EIF5B: variants seen among roughly 807,000 people sequenced by gnomAD.
The protein encoded by EIF5B is eIF-5B.
In EIF5B, 47 loss-of-function variants were observed where a neutral mutation model predicts 147.5. The observed-to-expected ratio is 0.32, with a 90% confidence interval of 0.25 to 0.41. The LOEUF (loss-of-function observed/expected upper bound fraction) is 0.41. EIF5B is among the 10% of genes least tolerant of loss of function. The pLI is 1.00. For missense variants in EIF5B, 1,064 were observed against 1,413.2 expected (o/e 0.75, Z 3.96); for synonymous variants, 455 against 456.2 (o/e 1.00, Z 0.03).
intron 14 of EIF5B, among the ~76,000 whole-genome samples, chr2:99,389,308 A>G (rs573662780): frequency 6.6e-6 from 1 of 152,356 alleles, no homozygotes; most frequent in South Asian, 2.1e-4. Flanking sequence ...AATAATTAAA[A>G]TAGGCTGTTC....
chr2:99,364,843 T>G (rs1218157368), intron 6 of EIF5B, among the ~76,000 whole-genome samples: 1 of 151,988 alleles, frequency 6.6e-6, no homozygotes, highest in Non-Finnish European at 1.5e-5. Flanking sequence ...CATATTAGTT[T>G]GCCCACATGA....
At chr2:99,359,627 C>A (rs1011430127) in intron 1 of EIF5B, among the ~76,000 whole-genome samples, 1 of 152,136 alleles carries the variant, frequency 6.6e-6, no homozygotes, top group Admixed American at 6.5e-5. Flanking sequence ...AAACCAGGAG[C>A]AAGCAGGTTT....
rs996882996 is a variant in EIF5B at position 99,399,959 on chromosome 2, G to A, written c.*545G>A. The A allele has an allele frequency of 6.5e-6, 1 of 153,014 alleles. No individual in the cohort carries two copies. The highest frequency in any genetic ancestry group is 2.4e-5 in the African/African-American group (1 of 41,454). The allele number at this position is 153,014 out of a possible 1,614,324, so 9.5% of individuals were successfully genotyped here. A position where few individuals can be genotyped will look rare whatever the true frequency, so the allele number is the denominator to read the frequency against. On this transcript the variant is annotated 3_prime_UTR_variant, in exon 24 of 24. Coordinates refer to ENST00000289371, the MANE Select transcript of EIF5B (RefSeq NM_015904.4). ...TTTAGCTGCTTTGTGTGAAACCATG[G>A]TGTAAAAGCACAGCTGGCTGCTTTT...
chr2:99,367,960 A>G (rs1674365457), intron 6 of EIF5B, among the ~76,000 whole-genome samples: 1 of 152,200 alleles, frequency 6.6e-6, no homozygotes, highest in East Asian at 1.9e-4. Context: ...AAAAACCAGA[A>G]ACAACTCAAA....
chr2:99,398,709 ATTC>A (rs1218143332), intron 22 of EIF5B, 36 bp from the exon 23 acceptor site: 7 of 1,578,094 alleles, frequency 4.4e-6, no homozygotes, highest in Non-Finnish European at 8.6e-7. Flanking sequence ...ATTGGCATGA[ATTC>A]TTCTGCATGC....
intron 6 of EIF5B, among the ~76,000 whole-genome samples, chr2:99,368,243 GA>G (rs1353446165): frequency 6.6e-6 from 1 of 152,198 alleles, no homozygotes; most frequent in African/African-American, 2.4e-5. Flanking sequence ...TGGAGTGATG[GA>G]GCTTTTCTGC....
chr2:99,374,340 T>C (rs1359405395), intron 9 of EIF5B, among the ~76,000 whole-genome samples: 2 of 151,526 alleles, frequency 1.3e-5, no homozygotes, highest in African/African-American at 2.4e-5. Context: ...CTTTTCATTA[T>C]CTATTTAAAA....
At chr2:99,366,498 C>A (rs1317006484) in intron 6 of EIF5B, among the ~76,000 whole-genome samples, 1 of 152,082 alleles carries the variant, frequency 6.6e-6, no homozygotes, top group Non-Finnish European at 1.5e-5. Context: ...CCATTCTAGC[C>A]ATTCTTCAGT....
chr2:99,341,812 G>A (rs2094260183), intron 1 of EIF5B, among the ~76,000 whole-genome samples: 1 of 152,068 alleles, frequency 6.6e-6, no homozygotes, highest in Non-Finnish European at 1.5e-5. Flanking sequence ...GAAGAGCTAA[G>A]CGTTTTTGCA....
chr2:99,348,538 T>C (rs2094277918), intron 1 of EIF5B, among the ~76,000 whole-genome samples: 1 of 152,210 alleles, frequency 6.6e-6, no homozygotes. Context: ...GAAGGTAACC[T>C]GTAGAGAAGG....
chr2:99,339,550 G>GT (rs2094254396), intron 1 of EIF5B, among the ~76,000 whole-genome samples: 1 of 151,324 alleles, frequency 6.6e-6, no homozygotes, highest in East Asian at 1.9e-4. Context: ...GTTTTGTTTT[G>GT]TTTTTTGGAG....
intron 12 of EIF5B, among the ~76,000 whole-genome samples, chr2:99,380,801 G>T (rs543399835): frequency 6.6e-6 from 1 of 152,140 alleles, no homozygotes; most frequent in Admixed American, 6.5e-5. Flanking sequence ...TTTATGAAGC[G>T]TGTCTTCTAG....
chr2:99,371,161 G>C (rs1198539043), intron 8 of EIF5B: 3 of 152,198 alleles, frequency 2.0e-5, no homozygotes, highest in Non-Finnish European at 4.4e-5. Context: ...AAGCATTTAA[G>C]TAATAGTAAA....
intron 1 of EIF5B, among the ~76,000 whole-genome samples, chr2:99,338,922 G>GTGCATA (rs10644172): frequency 4.2e-5 from 6 of 142,308 alleles, no homozygotes; most frequent in Non-Finnish European, 7.6e-5. Context: ...AGAAGTGTGT[G>GTGCATA]TATATATATA....
intron 10 of EIF5B, among the ~76,000 whole-genome samples, chr2:99,377,418 G>T (rs1674587177): frequency 6.6e-6 from 1 of 151,358 alleles, no homozygotes; most frequent in Non-Finnish European, 1.5e-5. Context: ...ATAATTCTTT[G>T]TTGTTGGGGA....
chr2:99,372,310 G>C (rs1674468135), intron 9 of EIF5B, among the ~76,000 whole-genome samples: 1 of 151,784 alleles, frequency 6.6e-6, no homozygotes, highest in African/African-American at 2.4e-5. Flanking sequence ...TTTTCATTTT[G>C]ATGTATTAAG....
chr2:99,351,562 C>T (rs1673960975), intron 1 of EIF5B, among the ~76,000 whole-genome samples: 1 of 152,168 alleles, frequency 6.6e-6, no homozygotes, highest in Admixed American at 6.6e-5. Context: ...AGTGACTGTG[C>T]CATTTTTGCA....
At chr2:99,351,629 A>C (rs770527555) in intron 1 of EIF5B, among the ~76,000 whole-genome samples, 29 of 151,642 alleles carry the variant, frequency 1.9e-4, no homozygotes, top group Non-Finnish European at 2.4e-4. Context: ...AACACTTGGT[A>C]TTATTACCAA....
At chr2:99,398,689 G>A in intron 22 of EIF5B, 59 bp from the exon 23 acceptor site, 1 of 1,532,016 alleles carries the variant, frequency 6.5e-7, no homozygotes, top group Non-Finnish European at 8.8e-7. Flanking sequence ...ATCCAGCCAT[G>A]GCGCCTGTGA....
Sources: allele counts gnomAD v4.1 joint callset (sites outside exome capture counted in the v4.1 genomes callset), GRCh38; gene constraint gnomAD v4.1.1; transcripts MANE v1.5; gene names NCBI Gene and HGNC (gene_info 2026-07-23, HGNC 2026-07-21).